The following NKAIN3 variants were observed in gnomAD, a reference collection of about 807,000 sequenced individuals.
NKAIN3 encodes the protein sodium/potassium transporting ATPase interacting 3, also known as sodium/potassium-transporting ATPase subunit beta-1-interacting protein 3.
In NKAIN3, 25 loss-of-function variants were observed where a neutral mutation model predicts 30.2. That is an observed-to-expected ratio of 0.83 (90% CI 0.60 to 1.16). The LOEUF is 1.16. Among genes scored for constraint, NKAIN3 ranks in the 50% most tolerant of loss-of-function variants. NKAIN3 has a pLI of 0.00. For synonymous variants in NKAIN3, 91 were observed against 89.6 expected, an observed-to-expected ratio of 1.02 and a Z score of -0.09; for missense variants, 225 against 254.1, an observed-to-expected ratio of 0.89 and a Z score of 0.78.
chr8:62,711,517 T>C (rs1164652771), intron 3 of NKAIN3, among the ~76,000 whole-genome samples: 1 of 152,208 alleles, frequency 6.6e-6, no homozygotes, highest in African/African-American at 2.4e-5. Context: ...CTTCTATTTG[T>C]TCAGTTCTAT....
chr8:62,349,471 A>G (rs1017062485), intron 1 of NKAIN3, among the ~76,000 whole-genome samples: 2 of 152,202 alleles, frequency 1.3e-5, no homozygotes, highest in African/African-American at 4.8e-5. Context: ...AGTAATTTGT[A>G]TACATTTAGT....
At chr8:62,773,065 T>C (rs776371184) in intron 4 of NKAIN3, among the ~76,000 whole-genome samples, 1 of 152,194 alleles carries the variant, frequency 6.6e-6, no homozygotes, top group Non-Finnish European at 1.5e-5. Context: ...AGTTTGCCAA[T>C]ATTTTCTCCC....
At chr8:62,753,795 G>T (rs909910473) in intron 4 of NKAIN3, among the ~76,000 whole-genome samples, 2 of 152,026 alleles carry the variant, frequency 1.3e-5, no homozygotes, top group Non-Finnish European at 2.9e-5. Context: ...TCAACAGAAA[G>T]AAACAGCTAC....
intron 1 of NKAIN3, chr8:62,482,426 A>T (rs1806753282): frequency 6.6e-6 from 1 of 152,196 alleles, no homozygotes; most frequent in African/African-American, 2.4e-5. Context: ...TCTTACTTCC[A>T]CCAATTTCAA....
At position 62,861,462 on chromosome 8, in the gene NKAIN3, C is replaced by T. The variant is rs535512456; in HGVS notation, c.472-56991C>T. ...TCTGGGAACTCAGGGACTTTCCTGG[C>T]GTCACTTGAAATCACTGAAAGCCAA... On this transcript the variant is annotated intron_variant, in intron 4 of 6. Coordinates refer to ENST00000623646, the MANE Select transcript of NKAIN3 (RefSeq NM_001304533.3). Among the ~76,000 whole-genome samples the T allele has an allele frequency of 5.9e-5, 9 of 152,310 alleles. No homozygotes were observed. In the South Asian group the frequency reaches 1.0e-3, roughly 18 times the overall value.
chr8:62,300,382 CAT>C (rs1243102167), intron 1 of NKAIN3, among the ~76,000 whole-genome samples: 2 of 151,832 alleles, frequency 1.3e-5, no homozygotes, highest in Non-Finnish European at 2.9e-5. Context: ...ATCTGGGTAA[CAT>C]AGTTAAATAA....
chr8:62,983,817 G>A lies in NKAIN3; in HGVS notation c.*18410G>A, dbSNP rs776951459. The A allele has an allele frequency of 1.2e-4, 18 of 152,144 alleles. No homozygotes were observed. The highest frequency in any genetic ancestry group is 2.0e-4 in the Admixed American group (3 of 15,268). The allele number at this position is 152,144 out of a possible 1,614,324, so 9.4% of individuals were successfully genotyped here. A position where few individuals can be genotyped will look rare whatever the true frequency, so the allele number is the denominator to read the frequency against. On this transcript the variant is annotated 3_prime_UTR_variant, in exon 7 of 7. Coordinates refer to ENST00000623646, the MANE Select transcript of NKAIN3 (RefSeq NM_001304533.3). ...TCTGAATTTGCATTAAAAAGAGCAC[G>A]TCTACAGCTCCTAACAATCAAAAAC...
Position 62,995,161 on chromosome 8 carries a change from G to A in NKAIN3, c.533-4070G>A, listed in dbSNP as rs1297913184. Among the ~76,000 whole-genome samples, 5 of 152,320 alleles carry A rather than the reference G, an allele frequency of 3.3e-5. 1 individual carries two copies. Among genetic ancestry groups the A allele is most frequent in the Middle Eastern group, 6.8e-3 (2 of 294 alleles). ...AGCTCTACAGATGCTTAATGCATCA[G>A]GGCTCAGTGAATCTGGAGGAAAAGC... On this transcript the variant is annotated intron_variant, in intron 5 of 5. Transcript: ENST00000519049.
chr8:62,858,761 C>A, intron 4 of NKAIN3, among the ~76,000 whole-genome samples: 1 of 152,358 alleles, frequency 6.6e-6, no homozygotes, highest in African/African-American at 2.4e-5. Flanking sequence ...TGCCCCTCCC[C>A]TCAGGGCCCC....
intron 4 of NKAIN3, among the ~76,000 whole-genome samples, chr8:62,872,514 T>C (rs1820675936): frequency 6.6e-6 from 1 of 152,262 alleles, no homozygotes; most frequent in African/African-American, 2.4e-5. Context: ...AGCATCCAAC[T>C]GGACTCTCAC....
At chr8:62,351,997 C>G (rs147515638) in intron 1 of NKAIN3, among the ~76,000 whole-genome samples, 153 of 152,268 alleles carry the variant, frequency 1.0e-3, no homozygotes, top group African/African-American at 3.6e-3. Context: ...TGGATGAACA[C>G]TATGGATGAA....
chr8:62,705,163 T>C (rs577505172), intron 3 of NKAIN3, among the ~76,000 whole-genome samples: 1 of 152,340 alleles, frequency 6.6e-6, no homozygotes, highest in South Asian at 2.1e-4. Flanking sequence ...TGAAGGTACG[T>C]CATATTTGAT....
chr8:62,334,425 A>T (rs1021672472), intron 1 of NKAIN3, among the ~76,000 whole-genome samples: 6 of 152,008 alleles, frequency 3.9e-5, no homozygotes, highest in Non-Finnish European at 5.9e-5. Context: ...ACTAGGTCGA[A>T]ACTTCCCACA....
intron 5 of NKAIN3, among the ~76,000 whole-genome samples, chr8:62,928,994 T>G (rs992407702): frequency 1.3e-5 from 2 of 152,142 alleles, no homozygotes; most frequent in African/African-American, 4.8e-5. Context: ...CAAACAGAAG[T>G]GCCTCCAGCA....
intron 1 of NKAIN3, among the ~76,000 whole-genome samples, chr8:62,478,160 G>A (rs1414913300): frequency 6.6e-6 from 1 of 151,260 alleles, no homozygotes; most frequent in Non-Finnish European, 1.5e-5. Flanking sequence ...ACTGATAGGA[G>A]TTATTATTAT....
intron 3 of NKAIN3, among the ~76,000 whole-genome samples, chr8:62,729,040 C>CAAAAAAAAAAAAAAAACAAAAAAAA (rs1317282077): frequency 1.6e-5 from 1 of 61,206 alleles, no homozygotes; most frequent in Non-Finnish European, 3.0e-5. Flanking sequence ...AAAAAAAAAA[C>CAAAAAAAAAAAAAAAACAAAAAAAA]AAAAAAAAAA....
intron 1 of NKAIN3, among the ~76,000 whole-genome samples, chr8:62,360,442 T>C (rs1816520039): frequency 6.6e-6 from 1 of 152,212 alleles, no homozygotes. Context: ...GGATCTTCAC[T>C]GTCCTCTTAA....
intron 2 of NKAIN3, among the ~76,000 whole-genome samples, chr8:62,586,961 C>T (rs1328907709): frequency 6.6e-6 from 1 of 151,882 alleles, no homozygotes; most frequent in Non-Finnish European, 1.5e-5. Context: ...TACCTAAATA[C>T]ATGATGTAAG....
intron 4 of NKAIN3, among the ~76,000 whole-genome samples, chr8:62,866,047 T>C (rs1359909618): frequency 6.6e-6 from 1 of 152,222 alleles, no homozygotes; most frequent in Non-Finnish European, 1.5e-5. Context: ...TTCTAAAATA[T>C]GCATAATAAT....
Sources: gnomAD v4.1 joint callset for allele counts (sites outside exome capture counted in the v4.1 genomes callset) on GRCh38, gnomAD v4.1.1 for gene constraint, MANE v1.5 for transcripts, NCBI Gene and HGNC (gene_info 2026-07-23, HGNC 2026-07-21) for gene names.